Variants in C1orf159 observed in about 807,000 individuals in gnomAD.
C1orf159 encodes uncharacterized protein C1orf159.
C1orf159 carries 19 observed loss-of-function variants against 25.6 expected under a neutral mutation model. The observed-to-expected ratio is 0.74, with a 90% CI of 0.52 to 1.09. C1orf159 has a LOEUF of 1.09. Among genes scored for constraint, C1orf159 ranks in the 50% least tolerant of loss-of-function variants. The pLI, the probability that C1orf159 is intolerant of heterozygous loss-of-function variation, is 0.00. For missense variants in C1orf159, 274 were observed against 290.6 expected, an observed-to-expected ratio of 0.94 and a Z score of 0.42; for synonymous variants, 139 against 124.7, an observed-to-expected ratio of 1.12 and a Z score of -0.77.
chr1:1,095,564 T>TAGAAA (rs1645999453), intron 1 of C1orf159, among the ~76,000 whole-genome samples: 1 of 152,274 alleles, frequency 6.6e-6, no homozygotes, highest in Non-Finnish European at 1.5e-5. Flanking sequence ...AGCAATTCTC[T>TAGAAA]GTAGCTTTCT....
chr1:1,086,120 T>A, intron 6 of C1orf159, 108 bp from the exon 7 acceptor site: 2 of 1,366,132 alleles, frequency 1.5e-6, no homozygotes, highest in South Asian at 1.3e-5. Flanking sequence ...TGAACATGCC[T>A]GAGCCTCACG....
At position 1,082,615 on chromosome 1, in the gene C1orf159, G is replaced by C. The variant is rs1645760926; in HGVS notation, c.*278C>G. ...CGCTGGGGCCTCACCGTGTTTCCTG[G>C]GGGGGCCCGGACCCCCCAAGGCCTC... On this transcript the variant is annotated 3_prime_UTR_variant, in exon 10 of 10. Coordinates refer to ENST00000421241, the MANE Select transcript of C1orf159 (RefSeq NM_017891.5). 1.7e-5 allele frequency: 8 copies of C among 476,510 alleles called. 1 individual carries two copies. The South Asian group carries it at 1.7e-4, about 10-fold the overall frequency. The allele number at this position is 476,510 out of a possible 1,614,324, so 29.5% of individuals were successfully genotyped here.
chr1:1,090,835 T>C (rs751795135), intron 3 of C1orf159: 2 of 1,492,926 alleles, frequency 1.3e-6, no homozygotes, highest in South Asian at 1.2e-5. Context: ...CACGCCCAGG[T>C]GCCCAGGTAC....
At chr1:1,103,576 G>A (rs1241042840) in intron 1 of C1orf159, among the ~76,000 whole-genome samples, 1 of 152,134 alleles carries the variant, frequency 6.6e-6, no homozygotes, top group African/African-American at 2.4e-5. Flanking sequence ...TGCACGCAGG[G>A]GTCAGGGGTC....
chr1:1,108,357 TGGCACTGTTCACCACAGCCACCATGTCTC>T (rs1646207150), intron 1 of C1orf159, among the ~76,000 whole-genome samples: 18 of 47,232 alleles, frequency 3.8e-4, no homozygotes, highest in Admixed American at 1.4e-3. Context: ...CACCATGTCT[TGGCACTGTTCACCACAGCCACCATGTCTC>T]GGCACCGTTC....
In C1orf159 at chr1:1,089,011, G is replaced by A. The variant is rs532883922; in HGVS notation, c.148+1342C>T. On this transcript the variant is annotated intron_variant, in intron 4 of 9. Transcript: ENST00000421241. The surrounding 1 kb of genome is among the most constrained non-coding windows in gnomAD (Gnocchi z 7.5). ...GGCTCTGTCTGAGAGTCTCTGCCCC[G>A]GAGGCCGAAGAACGGAGTCCACGGC... Among the ~76,000 whole-genome samples the A allele has an allele frequency of 2.0e-4, 30 of 152,348 alleles. No individual in the cohort carries two copies. In the South Asian group the frequency reaches 5.4e-3, roughly 27 times the overall value.
At chr1:1,084,208 C>T (rs1474013861) in intron 9 of C1orf159, 145 bp downstream of exon 9, 2 of 1,521,782 alleles carry the variant, frequency 1.3e-6, no homozygotes, top group South Asian at 1.3e-5. Context: ...CTGGCCCTGC[C>T]TTGTGGGTGG....
At chr1:1,106,215 C>G (rs796447032) in intron 1 of C1orf159, 196 of 152,314 alleles carry the variant, frequency 1.3e-3, no homozygotes, top group African/African-American at 4.4e-3. Flanking sequence ...AACCCAAACA[C>G]TCTAACACCT....
At chr1:1,099,187 C>T (rs1570322352) in intron 1 of C1orf159, among the ~76,000 whole-genome samples, 2 of 144,272 alleles carry the variant, frequency 1.4e-5, no homozygotes, top group South Asian at 4.4e-4. Context: ...ATTAAAATCT[C>T]CAACTATGAT....
chr1:1,091,576 G>A lies in C1orf159; in HGVS notation c.-22-11C>T, dbSNP rs555910115. ...GCAGATGCGCAGAGCCTGCCACAGGGAGGAGCATGCGGAGCCAAAGAGATG... is the reference window on the plus strand; with the variant it reads ...GCAGATGCGCAGAGCCTGCCACAGGAAGGAGCATGCGGAGCCAAAGAGATG... On this transcript the variant is annotated splice_polypyrimidine_tract_variant and intron_variant, in intron 2 of 9. Transcript: ENST00000421241. 1.9e-4 allele frequency: 299 copies of A among 1,539,266 alleles called. 1 individual carries two copies. The African/African-American group carries it at 3.9e-3, about 20-fold the overall frequency.
chr1:1,111,230 A>G (rs1646252454), intron 1 of C1orf159, among the ~76,000 whole-genome samples: 1 of 152,188 alleles, frequency 6.6e-6, no homozygotes, highest in Non-Finnish European at 1.5e-5. Flanking sequence ...ATTTTCCCTT[A>G]GAAGAACTGG....
chr1:1,094,137 G>A (rs1645978767), intron 1 of C1orf159, among the ~76,000 whole-genome samples: 1 of 150,554 alleles, frequency 6.6e-6, no homozygotes, highest in Admixed American at 6.6e-5. Flanking sequence ...TCACTCTGTT[G>A]CCCAGGCTGG....
rs773224431 is a variant in C1orf159, at chr1:1,091,234, G to A, written c.72+238C>T. On this transcript the variant is annotated intron_variant, in intron 3 of 9. Coordinates refer to ENST00000421241, the MANE Select transcript of C1orf159 (RefSeq NM_017891.5). ...CCATTGCGGGCCAGGATGCCTCACC[G>A]TGGGGGCCCCGCCTGACCCAGCCAT... 126 of 628,624 alleles carry A rather than the reference G, an allele frequency of 2.0e-4. 1 individual carries two copies. The highest frequency in any genetic ancestry group is 2.6e-4 in the Non-Finnish European group (94 of 357,960). The allele number at this position is 628,624 out of a possible 1,614,324, so 38.9% of individuals were successfully genotyped here. A position where few individuals can be genotyped will look rare whatever the true frequency, so the allele number is the denominator to read the frequency against.
intron 1 of C1orf159, among the ~76,000 whole-genome samples, chr1:1,098,904 G>T (rs1369830400): frequency 6.6e-6 from 1 of 152,226 alleles, no homozygotes; most frequent in East Asian, 1.9e-4. Context: ...GAGCCCCCAT[G>T]TGCAGCCTGA....
At chr1:1,104,015 T>G (rs1291691015) in intron 1 of C1orf159, among the ~76,000 whole-genome samples, 1 of 150,606 alleles carries the variant, frequency 6.6e-6, no homozygotes. Flanking sequence ...TGAGACAGAG[T>G]CTCGCTCTGT....
At chr1:1,100,695 T>C (rs1322565764) in intron 1 of C1orf159, among the ~76,000 whole-genome samples, 1 of 152,226 alleles carries the variant, frequency 6.6e-6, no homozygotes, top group African/African-American at 2.4e-5. Context: ...TTTGCGTGAT[T>C]TGAAGTTTTA....
intron 3 of C1orf159, chr1:1,090,986 G>C (rs1281229205): frequency 6.5e-7 from 1 of 1,548,776 alleles, no homozygotes; most frequent in Admixed American, 2.0e-5. Flanking sequence ...CTCGTGACCT[G>C]AATGCAGTGA....
intron 1 of C1orf159, among the ~76,000 whole-genome samples, chr1:1,101,984 A>C (rs771657866): frequency 1.3e-5 from 2 of 149,698 alleles, no homozygotes; most frequent in Non-Finnish European, 3.0e-5. Flanking sequence ...AGGCAGGAGA[A>C]TCGCTTGAAC....
chr1:1,104,161 G>A (rs1435350129), intron 1 of C1orf159, among the ~76,000 whole-genome samples: 1 of 152,020 alleles, frequency 6.6e-6, no homozygotes, highest in African/African-American at 2.4e-5. Flanking sequence ...CTAATTTTTT[G>A]TATTTTTAGT....
Sources: gnomAD v4.1 joint callset for allele counts (sites outside exome capture counted in the v4.1 genomes callset) on GRCh38, gnomAD v4.1.1 for gene constraint, Gnocchi (gnomAD v3.1) non-coding constraint, MANE v1.5 for transcripts, NCBI Gene and HGNC (gene_info 2026-07-23, HGNC 2026-07-21) for gene names.